PLB1: variants seen among roughly 807,000 people sequenced by gnomAD.
The protein encoded by PLB1 is phospholipase B1, membrane-associated.
A neutral mutation model predicts 227.4 loss-of-function variants in PLB1; 242 were observed. The observed-to-expected ratio is 1.06, with a 90% CI of 0.96 to 1.18. The LOEUF is 1.18. Among genes scored for constraint, PLB1 ranks in the 50% most tolerant of loss-of-function variants. The probability of loss-of-function intolerance (pLI) is 0.00; values close to 1 mark genes in which losing one functional copy is unlikely to be tolerated. For missense variants in PLB1, 1,858 were observed against 1,816.3 expected (o/e 1.02, Z -0.42); for synonymous variants, 757 against 682.2 (o/e 1.11, Z -1.71).
At chr2:28,602,201 A>T (rs1220254142) in intron 38 of PLB1, among the ~76,000 whole-genome samples, 1 of 152,170 alleles carries the variant, frequency 6.6e-6, no homozygotes, top group Non-Finnish European at 1.5e-5. Flanking sequence ...ACTACATGGG[A>T]CACTCCTTGG....
chr2:28,579,893 C>T (rs927325761), intron 23 of PLB1, among the ~76,000 whole-genome samples, 186 bp downstream of exon 23: 1 of 152,142 alleles, frequency 6.6e-6, no homozygotes, highest in Admixed American at 6.5e-5. Context: ...TTCAGCTGGG[C>T]AAGCAGGATT....
chr2:28,591,843 A>T (rs1481511451), intron 31 of PLB1, 83 bp downstream of exon 31: 2 of 1,378,982 alleles, frequency 1.5e-6, no homozygotes, highest in African/African-American at 1.4e-5. Flanking sequence ...TGACTTTCAC[A>T]CTCACTAAAT....
chr2:28,502,916 A>G (rs1330545382), intron 1 of PLB1, among the ~76,000 whole-genome samples: 1 of 152,086 alleles, frequency 6.6e-6, no homozygotes, highest in Non-Finnish European at 1.5e-5. Context: ...CACTTATAGA[A>G]TTAGTCATAT....
chr2:28,573,952 C>T (rs974489780), intron 21 of PLB1, among the ~76,000 whole-genome samples: 5 of 152,174 alleles, frequency 3.3e-5, no homozygotes, highest in Admixed American at 6.5e-5. Context: ...AGGCCCACCT[C>T]GGGGGAAACA....
chr2:28,573,438 G>C, intron 21 of PLB1, 133 bp downstream of exon 21: 1 of 672,692 alleles, frequency 1.5e-6, no homozygotes, highest in Admixed American at 2.4e-5. Context: ...CCAAAGCCTG[G>C]ACAGAGCTCT....
intron 14 of PLB1, chr2:28,548,639 C>A: frequency 1.6e-6 from 1 of 624,018 alleles, no homozygotes; most frequent in Non-Finnish European, 3.0e-6. Flanking sequence ...TTCTCAAACT[C>A]GGGTGTGCAT....
chr2:28,574,011 G>A lies in PLB1; in HGVS notation c.1433+706G>A, dbSNP rs563335086. ...CATGGTCCCTGGGCACGGCCAGGCCGGTCCCCAAGAGTGGGCAGGTCAGCT... is the reference window on the plus strand; with the variant it reads ...CATGGTCCCTGGGCACGGCCAGGCCAGTCCCCAAGAGTGGGCAGGTCAGCT... On this transcript the variant is annotated intron_variant, in intron 21 of 57. Coordinates refer to ENST00000327757, the MANE Select transcript of PLB1 (RefSeq NM_153021.5). Among the ~76,000 whole-genome samples the A allele has an allele frequency of 1.2e-4, 19 of 152,282 alleles. No individual in the cohort carries two copies. In the East Asian group the frequency reaches 1.7e-3, roughly 14 times the overall value.
At chr2:28,632,235 A>C in intron 55 of PLB1, 95 bp downstream of exon 55, 1 of 802,236 alleles carries the variant, frequency 1.2e-6, no homozygotes, top group South Asian at 1.7e-5. Flanking sequence ...TTTTTTTTTT[A>C]ACCATCTCTC....
At chr2:28,522,248 G>A (rs866414532) in intron 4 of PLB1, among the ~76,000 whole-genome samples, 8 of 151,954 alleles carry the variant, frequency 5.3e-5, no homozygotes, top group Non-Finnish European at 1.0e-4. Context: ...ACAGAAAGAA[G>A]GGTGAGGAGA....
At chr2:28,562,893 T>C in intron 17 of PLB1, 148 bp from the exon 18 acceptor site, 2 of 726,152 alleles carry the variant, frequency 2.8e-6, no homozygotes, top group South Asian at 1.7e-5. Context: ...CAAGGATGGG[T>C]TTTTCCTATC....
rs752693624 is a variant in PLB1 at position 28,529,738 on chromosome 2, A to T, written c.427A>T (p.Ile143Phe). 59 of 1,613,982 alleles carry T rather than the reference A, an allele frequency of 3.7e-5. No individual in the cohort carries two copies. In the Admixed American group the frequency reaches 9.7e-4, roughly 26 times the overall value. ...CCTCCCTCTGCACAGAGACTTGTGG[A>T]TTCAGGCTCAAGAACTGGTGAGAAA... ...IPHDGAEDLW[I>F]QAQELVRNMK... The change falls in exon 8 of 58, where the codon ATT becomes TTT. Residue 143 changes from isoleucine (I) to phenylalanine (F), a missense_variant. Physicochemically the swap from Ile to Phe is conservative, Grantham distance 21. Coordinates refer to ENST00000327757, the MANE Select transcript of PLB1 (RefSeq NM_153021.5).
At position 28,618,335 on chromosome 2, in the gene PLB1, C is replaced by T. The variant is rs376834316; in HGVS notation, c.3257-6C>T. The T allele has an allele frequency of 1.1e-5, 18 of 1,613,938 alleles. No individual in the cohort carries two copies. Among genetic ancestry groups the T allele is most frequent in the East Asian group, 1.1e-4 (5 of 44,896 alleles). On this transcript the variant is annotated splice_polypyrimidine_tract_variant and splice_region_variant and intron_variant, in intron 45 of 57. Transcript: ENST00000327757. ...CCACAACCACCTCTCTGCTTGTCTC[C>T]CCTAGTCCACCAGCTCCGACCAGCA... is the stretch of plus-strand genomic sequence containing the variant.
rs1047494070 is a variant in PLB1 at position 28,644,059 on chromosome 2, C to A, written c.*998C>A. 6.6e-6 allele frequency among the ~76,000 whole-genome samples: 1 copy of A among 152,172 alleles called. No individual in the cohort carries two copies. The highest frequency in any genetic ancestry group is 1.5e-5 in the Non-Finnish European group (1 of 68,036). On this transcript the variant is annotated 3_prime_UTR_variant, in exon 58 of 58. Coordinates refer to ENST00000327757, the MANE Select transcript of PLB1 (RefSeq NM_153021.5). Reference sequence around the variant, plus strand: ...GCAACACCGTGAATGTACTAAACGCCGCAAATTGTTCCATTTAAAATGATT... The same window carrying A: ...GCAACACCGTGAATGTACTAAACGCAGCAAATTGTTCCATTTAAAATGATT...
chr2:28,591,238 G>A lies in PLB1; in HGVS notation c.2127+67G>A, dbSNP rs1183118807. On this transcript the variant is annotated intron_variant, in intron 30 of 57. Transcript: ENST00000327757. Reference sequence around the variant, plus strand: ...ATGGGCAACCCCTGGGCTGGGACAGGCCCAACAGGACAGGGTGGGAAAGCG... The same window carrying A: ...ATGGGCAACCCCTGGGCTGGGACAGACCCAACAGGACAGGGTGGGAAAGCG... 17 of 1,589,098 alleles carry A rather than the reference G, an allele frequency of 1.1e-5. 1 individual carries two copies. The highest frequency in any genetic ancestry group is 4.0e-5 in the African/African-American group (3 of 74,248).
At chr2:28,498,999 G>A (rs1306648914) in intron 1 of PLB1, among the ~76,000 whole-genome samples, 2 of 152,054 alleles carry the variant, frequency 1.3e-5, no homozygotes, top group East Asian at 1.9e-4. Flanking sequence ...GATCTTTAAT[G>A]CCTCTCAAAG....
Position 28,519,774 on chromosome 2 carries a change from G to T in PLB1, c.243+11G>T, listed in dbSNP as rs770861522. The T allele has an allele frequency of 1.9e-6, 3 of 1,605,282 alleles. No individual in the cohort carries two copies. The highest frequency in any genetic ancestry group is 1.1e-5 in the South Asian group (1 of 90,846). On this transcript the variant is annotated intron_variant, in intron 4 of 57. Transcript: ENST00000327757. ...GGCAATCTGGAAATTGTGAGTATTT[G>T]AAGTAGCTTGGGGCAGGAGACAGAG... is the stretch of plus-strand genomic sequence containing the variant.
At chr2:28,555,229 C>T (rs1997268) in intron 17 of PLB1, among the ~76,000 whole-genome samples, 4,226 of 149,944 alleles carry the variant, frequency 0.028, 97 homozygotes, top group Middle Eastern at 0.072. Context: ...GCAACCTCCA[C>T]CCCCTGGGTT....
chr2:28,541,176 A>G (rs548982755), intron 12 of PLB1, among the ~76,000 whole-genome samples: 13 of 64,584 alleles, frequency 2.0e-4, no homozygotes, highest in African/African-American at 5.1e-4. Flanking sequence ...CGTCTCAAAA[A>G]TAAATAAATT....
At chr2:28,563,418 G>A (rs79963902) in intron 18 of PLB1, among the ~76,000 whole-genome samples, 1,618 of 152,218 alleles carry the variant, frequency 0.011, 24 homozygotes, top group African/African-American at 0.037. Flanking sequence ...GCTGGTCAGC[G>A]GTGGGGCAGG....
Sources: allele counts gnomAD v4.1 joint callset (sites outside exome capture counted in the v4.1 genomes callset), GRCh38; gene constraint gnomAD v4.1.1; transcripts MANE v1.5; gene names NCBI Gene and HGNC (gene_info 2026-07-23, HGNC 2026-07-21).